The following HECTD4 variants were observed in gnomAD, a reference collection of about 807,000 sequenced individuals.
HECTD4 encodes the protein HECT domain E3 ubiquitin protein ligase 4, also known as probable E3 ubiquitin-protein ligase HECTD4.
Under a neutral mutation model 471.5 loss-of-function variants are expected in HECTD4, and 114 were observed. The ratio of observed to expected loss-of-function variants is 0.24; its 90% CI spans 0.21 to 0.28. The LOEUF (loss-of-function observed/expected upper bound fraction) is 0.28, where lower values mean the gene tolerates loss of function less well. HECTD4 is among the 10% of genes least tolerant of loss of function. The probability of loss-of-function intolerance (pLI) is 1.00; values close to 1 mark genes in which losing one functional copy is unlikely to be tolerated. For synonymous variants in HECTD4, 2,012 were observed against 2,256.0 expected (o/e 0.89, Z 3.07); for missense variants, 3,866 against 5,651.5 (o/e 0.68, Z 10.13).
chr12:112,342,373 C>T (rs1359132590), intron 1 of HECTD4, among the ~76,000 whole-genome samples: 1 of 152,162 alleles, frequency 6.6e-6, no homozygotes, highest in Non-Finnish European at 1.5e-5. Flanking sequence ...GGGAGGATCG[C>T]TTGAGCCTAA....
chr12:112,170,448 C>T lies in HECTD4; in HGVS notation c.11937G>A (p.Leu3979=). 2 of 1,613,840 alleles carry T rather than the reference C, an allele frequency of 1.2e-6. No individual in the cohort carries two copies. Among genetic ancestry groups the T allele is most frequent in the Non-Finnish European group, 1.7e-6 (2 of 1,179,868 alleles). The part of the protein sequence containing the change: ...IAALLKEAKG[L]IFYDTKVTVM... ...CGGTCACCTTCGTGTCATAGAAGAT[C>T]AGCCCTAAGGAGAGGAACGTGGGAG... The change falls in exon 69 of 76, where the codon CTG becomes CTA. Residue 3979 remains leucine (L), a synonymous_variant. Coordinates refer to ENST00000682272, the MANE Select transcript of HECTD4 (RefSeq NM_001388303.1).
rs2032111384 is a variant in HECTD4, at chr12:112,192,487, T to C, written c.9292+73A>G. 2.3e-5 allele frequency: 27 copies of C among 1,185,968 alleles called. No homozygotes were observed. In the South Asian group the frequency reaches 4.4e-4, roughly 19 times the overall value. 73.5% of individuals were successfully genotyped at this position (1,185,968 alleles called of 1,614,324 possible). A position where few individuals can be genotyped will look rare whatever the true frequency, so the allele number is the denominator to read the frequency against. On this transcript the variant is annotated intron_variant, in intron 59 of 75. Coordinates refer to ENST00000682272, the MANE Select transcript of HECTD4 (RefSeq NM_001388303.1). ...GGAACATGCAAGGTACAAAATTCAT[T>C]ATAGCTTCAAAAAGAAGGCAAGAGG...
At chr12:112,232,197 C>T (rs1263229857) in intron 38 of HECTD4, among the ~76,000 whole-genome samples, 6 of 152,182 alleles carry the variant, frequency 3.9e-5, no homozygotes, top group Non-Finnish European at 7.3e-5. Context: ...GTGGTGCGAT[C>T]TCGGCTCACT....
At chr12:112,247,201 C>T (rs2033781875) in intron 28 of HECTD4, 125 bp from the exon 29 acceptor site, 2 of 762,414 alleles carry the variant, frequency 2.6e-6, no homozygotes, top group Non-Finnish European at 4.2e-6. Flanking sequence ...ACCTAATCAA[C>T]ATTGCTTACT....
intron 69 of HECTD4, 92 bp downstream of exon 69, chr12:112,170,241 G>T: frequency 2.0e-6 from 3 of 1,506,184 alleles, no homozygotes; most frequent in Non-Finnish European, 2.7e-6. Context: ...CGCTGCACCA[G>T]CCCTGGACCC....
chr12:112,195,057 C>T lies in HECTD4; in HGVS notation c.8577G>A (p.Leu2859=). The change falls in exon 56 of 76, where the codon CTG becomes CTA. Residue 2859 remains leucine (L), a synonymous_variant. Transcript: ENST00000682272. ...GCCTGGCCAGCGCAGCCTCGCAGCG[C>T]AGCAGCTCCCTGCAAGGGAAAAGGT... ...NTNLQIHREL[L]RCEAALARLY... The T allele has an allele frequency of 6.3e-7, 1 of 1,598,068 alleles. No individual in the cohort carries two copies. The highest frequency in any genetic ancestry group is 8.5e-7 in the Non-Finnish European group (1 of 1,172,946).
chr12:112,174,572 T>C (rs541012041), intron 66 of HECTD4, among the ~76,000 whole-genome samples: 28 of 151,584 alleles, frequency 1.8e-4, no homozygotes, highest in Middle Eastern at 3.5e-3. Flanking sequence ...CATTTTCTTT[T>C]TCTTTTTTTT....
intron 55 of HECTD4, among the ~76,000 whole-genome samples, chr12:112,200,177 G>A (rs1181173545): frequency 6.8e-6 from 1 of 147,572 alleles, no homozygotes; most frequent in Non-Finnish European, 1.5e-5. Flanking sequence ...TTTTTGAGAC[G>A]GAGTCTCCCT....
Position 112,266,807 on chromosome 12 carries a change from GACTA to G in HECTD4, c.2392+101_2392+104del. ...TGCAGATACATTTCTTAAATATGCT[GACTA>G]ACATACATGAAGAAGTGTAAATATT... On this transcript the variant is annotated intron_variant, in intron 14 of 75. Coordinates refer to ENST00000682272, the MANE Select transcript of HECTD4 (RefSeq NM_001388303.1). 5.7e-6 allele frequency: 4 copies of G among 707,826 alleles called. No individual in the cohort carries two copies. The South Asian group carries it at 6.5e-5, about 12-fold the overall frequency. The allele number at this position is 707,826 out of a possible 1,614,324, so 43.8% of individuals were successfully genotyped here.
chr12:112,271,078 C>CA (rs899813538), intron 11 of HECTD4, among the ~76,000 whole-genome samples: 12 of 149,884 alleles, frequency 8.0e-5, no homozygotes, highest in South Asian at 2.1e-4. Flanking sequence ...TTTGCTTTTT[C>CA]AAAAAAAAAG....
intron 9 of HECTD4, 148 bp downstream of exon 9, chr12:112,279,080 G>C (rs1481076935): frequency 4.6e-6 from 3 of 645,782 alleles, no homozygotes; most frequent in African/African-American, 3.7e-5. Context: ...AATCTTCCTA[G>C]CCTATTTGAT....
intron 72 of HECTD4, among the ~76,000 whole-genome samples, chr12:112,165,899 A>C (rs1489494090): frequency 1.3e-5 from 2 of 152,150 alleles, no homozygotes; most frequent in African/African-American, 4.8e-5. Context: ...TGACAGGTGG[A>C]TGGACATTCG....
intron 1 of HECTD4, among the ~76,000 whole-genome samples, chr12:112,352,622 T>G (rs1048331691): frequency 6.6e-6 from 1 of 151,412 alleles, no homozygotes; most frequent in Non-Finnish European, 1.5e-5. Context: ...TCCCTTCTTT[T>G]TTGAGACAAG....
chr12:112,236,321 G>A (rs2033501978), intron 35 of HECTD4, among the ~76,000 whole-genome samples: 1 of 152,156 alleles, frequency 6.6e-6, no homozygotes, highest in African/African-American at 2.4e-5. Flanking sequence ...CTGGATCTGG[G>A]AACAGAGATT....
At chr12:112,288,988 A>G (rs1447542712) in intron 7 of HECTD4, among the ~76,000 whole-genome samples, 1 of 152,252 alleles carries the variant, frequency 6.6e-6, no homozygotes. Context: ...AAATTCTATG[A>G]TCCAAATGTT....
intron 60 of HECTD4, among the ~76,000 whole-genome samples, chr12:112,186,200 G>A (rs1430730134): frequency 6.6e-6 from 1 of 151,684 alleles, no homozygotes; most frequent in Non-Finnish European, 1.5e-5. Flanking sequence ...ATGTTGCCCA[G>A]GCTGGTCTAG....
chr12:112,238,969 T>C (rs900387586), intron 34 of HECTD4, 83 bp downstream of exon 34: 9 of 1,335,452 alleles, frequency 6.7e-6, no homozygotes, highest in Non-Finnish European at 9.1e-6. Flanking sequence ...GCTTTCTCTC[T>C]TTCATTTAGC....
chr12:112,226,855 GT>G, intron 43 of HECTD4, 97 bp from the exon 44 acceptor site: 1 of 825,072 alleles, frequency 1.2e-6, no homozygotes, highest in Non-Finnish European at 1.9e-6. Flanking sequence ...TTGCCCCCCA[GT>G]TTACAACAAG....
At position 112,219,756 on chromosome 12, in the gene HECTD4, C is replaced by T. The variant is rs375527346; in HGVS notation, c.6971-267G>A. ...CTGGGATTACAGGCACATGCCACCG[C>T]GCCCGGTTAATTTTTGTATTTTTAG... On this transcript the variant is annotated intron_variant, in intron 44 of 75. Coordinates refer to ENST00000682272, the MANE Select transcript of HECTD4 (RefSeq NM_001388303.1). Among the ~76,000 whole-genome samples, 886 of 152,158 alleles carry T rather than the reference C, an allele frequency of 5.8e-3. 12 individuals are homozygous for T. The highest frequency in any genetic ancestry group is 0.032 in the South Asian group (153 of 4,812).
Sources: gnomAD v4.1 joint callset for allele counts (sites outside exome capture counted in the v4.1 genomes callset) on GRCh38, gnomAD v4.1.1 for gene constraint, MANE v1.5 for transcripts, NCBI Gene and HGNC (gene_info 2026-07-23, HGNC 2026-07-21) for gene names.